Variants in PRC1 observed in about 807,000 individuals in gnomAD.
The protein encoded by PRC1 is anaphase spindle elongation 1 homolog.
A neutral mutation model predicts 91.2 loss-of-function variants in PRC1; 54 were observed. The observed-to-expected ratio is 0.59, with a 90% CI of 0.48 to 0.74. PRC1 has a LOEUF of 0.74. Ranked by LOEUF, PRC1 falls within the 30% of genes least tolerant of loss-of-function variation. The pLI is 0.00. For missense variants in PRC1, 727 were observed against 746.2 expected, an observed-to-expected ratio of 0.97 and a Z score of 0.30; for synonymous variants, 275 against 263.6, an observed-to-expected ratio of 1.04 and a Z score of -0.42.
intron 11 of PRC1, among the ~76,000 whole-genome samples, chr15:90,972,023 G>A (rs796461387): frequency 2.1e-4 from 31 of 150,674 alleles, no homozygotes; most frequent in African/African-American, 7.3e-4. Context: ...GCGAGACTCC[G>A]TCTCAAAAAA....
intron 8 of PRC1, among the ~76,000 whole-genome samples, chr15:90,977,581 T>TG (rs1396053585): frequency 2.1e-5 from 3 of 141,982 alleles, no homozygotes; most frequent in African/African-American, 7.9e-5. Flanking sequence ...TTTACGTTTT[T>TG]TTTTTTTTTT....
At chr15:90,972,196 A>AAC (rs2038203081) in intron 11 of PRC1, among the ~76,000 whole-genome samples, 1 of 146,402 alleles carries the variant, frequency 6.8e-6, no homozygotes, top group South Asian at 2.2e-4. Context: ...AAAAAAAAAA[A>AAC]AAAAAAAACA....
At chr15:90,990,776 TTC>T (rs536688086) in intron 1 of PRC1, among the ~76,000 whole-genome samples, 180 of 152,158 alleles carry the variant, frequency 1.2e-3, no homozygotes, top group African/African-American at 4.2e-3. Flanking sequence ...CATTTTTGGT[TTC>T]TTTTTTTTTT....
intron 14 of PRC1, 77 bp downstream of exon 14, chr15:90,969,002 C>T: frequency 6.2e-7 from 1 of 1,609,812 alleles, no homozygotes; most frequent in South Asian, 1.1e-5. Context: ...GTTAGTGTAG[C>T]CCTGTGCCCA....
In PRC1 at chr15:90,984,924, C is replaced by T; in HGVS notation, c.12-99G>A. 4 of 1,469,364 alleles carry T rather than the reference C, an allele frequency of 2.7e-6. No individual in the cohort carries two copies. The East Asian group carries it at 9.2e-5, about 34-fold the overall frequency. 91.0% of individuals were successfully genotyped at this position (1,469,364 alleles called of 1,614,324 possible). A position where few individuals can be genotyped will look rare whatever the true frequency, so the allele number is the denominator to read the frequency against. ...CTAAAAAGACTAGCTTCTCAGTGGC[C>T]TCGAGAAAAAAACAAATTGAAAACA... On this transcript the variant is annotated intron_variant, in intron 1 of 14. Transcript: ENST00000394249. The surrounding 1 kb of genome is among the most constrained non-coding windows in gnomAD (Gnocchi z 5.1).
chr15:90,967,292 C>G, intron 14 of PRC1, 90 bp from the exon 15 acceptor site: 7 of 1,082,764 alleles, frequency 6.5e-6, no homozygotes, highest in Non-Finnish European at 9.9e-6. Flanking sequence ...AGCAAAAGGT[C>G]CCTTGAAGGT....
intron 1 of PRC1, chr15:90,988,459 T>C (rs1313210313): frequency 1.3e-5 from 2 of 152,272 alleles, no homozygotes; most frequent in African/African-American, 4.8e-5. Context: ...AAGGCTCCAC[T>C]GCCCTCAGGA....
At chr15:90,992,949 T>C (rs11855755) in intron 1 of PRC1, among the ~76,000 whole-genome samples, 18,976 of 151,398 alleles carry the variant, frequency 0.13, 2,430 homozygotes, top group African/African-American at 0.33. Context: ...TCAACCTGTT[T>C]CGGGGATCGA....
intron 1 of PRC1, among the ~76,000 whole-genome samples, chr15:90,986,273 G>A (rs1378461391): frequency 3.3e-5 from 5 of 152,186 alleles, no homozygotes; most frequent in African/African-American, 9.7e-5. Context: ...AACAGAAACA[G>A]CCTAGATGTC....
At chr15:90,973,386 G>A (rs1459191399) in intron 11 of PRC1, among the ~76,000 whole-genome samples, 5 of 152,238 alleles carry the variant, frequency 3.3e-5, no homozygotes, top group Admixed American at 1.3e-4. Context: ...GGGGCACGAT[G>A]CACTGCGGAA....
rs754658187 is a variant in PRC1, at chr15:90,979,227, T to C, written c.1038A>G (p.Glu346=). The change falls in exon 8 of 15, where the codon GAA becomes GAG. Residue 346 remains glutamate (E), a synonymous_variant. Coordinates refer to ENST00000394249, the MANE Select transcript of PRC1 (RefSeq NM_003981.4). The part of the protein sequence containing the change: ...AEIVRLKNYY[E]VHKELFEGVQ... ...CACCTTCAAAGAGTTCCTTGTGAAC[T>C]TCATAGTAGTTTTTTAACCGCACAA... is the stretch of plus-strand genomic sequence containing the variant. 5 of 1,614,088 alleles carry C rather than the reference T, an allele frequency of 3.1e-6. No homozygotes were observed. Among genetic ancestry groups the C allele is most frequent in the Non-Finnish European group, 4.2e-6 (5 of 1,180,044 alleles).
chr15:90,983,166 C>G (rs1275529604), intron 3 of PRC1, among the ~76,000 whole-genome samples: 1 of 152,278 alleles, frequency 6.6e-6, no homozygotes, highest in African/African-American at 2.4e-5. Context: ...ACTTCATGTT[C>G]TCTTCTGCCT....
intron 1 of PRC1, among the ~76,000 whole-genome samples, chr15:90,986,711 T>C (rs2039601954): frequency 6.6e-6 from 1 of 152,136 alleles, no homozygotes; most frequent in Non-Finnish European, 1.5e-5. Context: ...TATTTATTTA[T>C]TTTACTTTTT....
At chr15:90,967,356 G>A (rs1023163994) in intron 14 of PRC1, 154 bp from the exon 15 acceptor site, 3 of 639,846 alleles carry the variant, frequency 4.7e-6, no homozygotes, top group Non-Finnish European at 8.3e-6. Context: ...TAAAAGGTGA[G>A]GAACTCTGAG....
At position 90,975,117 on chromosome 15, in the gene PRC1, A is replaced by AT. The variant is rs1352825859; in HGVS notation, c.1204-387dup. 2.6e-5 allele frequency among the ~76,000 whole-genome samples: 4 copies of AT among 151,966 alleles called. No homozygotes were observed. In the East Asian group the frequency reaches 5.8e-4, roughly 22 times the overall value. On this transcript the variant is annotated intron_variant, in intron 9 of 14. Coordinates refer to ENST00000394249, the MANE Select transcript of PRC1 (RefSeq NM_003981.4). ...GCTGTGAAGCAGTGAGCAAATTTAC[A>AT]TTTTTTTTGAGACAGTCTCACTCTG... is the stretch of plus-strand genomic sequence containing the variant.
chr15:90,972,185 C>CA (rs79751458), intron 11 of PRC1, among the ~76,000 whole-genome samples: 4,510 of 58,328 alleles, frequency 0.077, 176 homozygotes, highest in African/African-American at 0.087. Flanking sequence ...TACTGAAACT[C>CA]AAAAAAAAAA....
At chr15:90,991,553 C>A (rs1308713195) in intron 1 of PRC1, among the ~76,000 whole-genome samples, 1 of 152,090 alleles carries the variant, frequency 6.6e-6, no homozygotes, top group Admixed American at 6.5e-5. Flanking sequence ...GTAAGAGGAT[C>A]ATTTTCAAAT....
At chr15:90,975,098 A>G (rs2038555570) in intron 9 of PRC1, among the ~76,000 whole-genome samples, 1 of 152,190 alleles carries the variant, frequency 6.6e-6, no homozygotes, top group Non-Finnish European at 1.5e-5. Context: ...ACTGGCTGTG[A>G]AGCAGTGAGC....
chr15:90,983,923 C>T lies in PRC1; in HGVS notation c.267+95G>A, dbSNP rs573865771. ...CTTCTTACGTCTAGCTCCATCCCTA[C>T]GAGGAAGCCTTCCATCTGCAGGCCC... On this transcript the variant is annotated intron_variant, in intron 3 of 14. Coordinates refer to ENST00000394249, the MANE Select transcript of PRC1 (RefSeq NM_003981.4). 20 of 1,491,668 alleles carry T rather than the reference C, an allele frequency of 1.3e-5. No homozygotes were observed. In the East Asian group the frequency reaches 1.4e-4, roughly 10 times the overall value. 92.4% of individuals were successfully genotyped at this position (1,491,668 alleles called of 1,614,324 possible).
Sources: gnomAD v4.1 joint callset for allele counts (sites outside exome capture counted in the v4.1 genomes callset) on GRCh38, gnomAD v4.1.1 for gene constraint, Gnocchi (gnomAD v3.1) non-coding constraint, MANE v1.5 for transcripts, NCBI Gene and HGNC (gene_info 2026-07-23, HGNC 2026-07-21) for gene names.